The following EXOC4 variants were observed in gnomAD, a reference collection of about 807,000 sequenced individuals.
EXOC4 encodes SEC8-like 1.
Under a neutral mutation model 107.2 loss-of-function variants are expected in EXOC4, and 71 were observed. That is an observed-to-expected ratio of 0.66 (90% confidence interval 0.55 to 0.81). EXOC4 has a LOEUF of 0.81. EXOC4 is among the 30% of genes least tolerant of loss of function. EXOC4 has a pLI of 0.00. For synonymous variants in EXOC4, 456 were observed against 441.2 expected (o/e 1.03, Z -0.42); for missense variants, 1,108 against 1,189.6 (o/e 0.93, Z 1.01).
intron 11 of EXOC4, among the ~76,000 whole-genome samples, chr7:133,879,616 A>G (rs1159018057): frequency 6.6e-6 from 1 of 152,084 alleles, no homozygotes; most frequent in African/African-American, 2.4e-5. Context: ...TTGATTTTTC[A>G]TATTTTTCAT....
intron 7 of EXOC4, among the ~76,000 whole-genome samples, chr7:133,417,634 TA>T (rs1270879724): frequency 1.3e-5 from 2 of 152,162 alleles, no homozygotes; most frequent in African/African-American, 4.8e-5. Flanking sequence ...TGCCATAGTT[TA>T]CGTCCTTTTT....
At chr7:133,844,378 C>CATTTTTT (rs1371732321) in intron 11 of EXOC4, among the ~76,000 whole-genome samples, 4 of 83,346 alleles carry the variant, frequency 4.8e-5, no homozygotes, top group Non-Finnish European at 8.8e-5. Flanking sequence ...CCACATATTC[C>CATTTTTT]TTTTTTTTTT....
chr7:133,712,865 A>G (rs1474126724), intron 10 of EXOC4, among the ~76,000 whole-genome samples: 2 of 152,238 alleles, frequency 1.3e-5, no homozygotes, highest in Non-Finnish European at 2.9e-5. Context: ...CAAAGGCCAT[A>G]TATTATATGG....
chr7:134,012,936 T>C (rs1293604729), intron 17 of EXOC4, among the ~76,000 whole-genome samples: 1 of 152,142 alleles, frequency 6.6e-6, no homozygotes, highest in African/African-American at 2.4e-5. Flanking sequence ...ATGCTGTTGA[T>C]AGGTTAAATT....
chr7:133,357,829 T>C (rs1417429790), intron 6 of EXOC4, among the ~76,000 whole-genome samples: 1 of 152,180 alleles, frequency 6.6e-6, no homozygotes, highest in African/African-American at 2.4e-5. Context: ...GTAAACTTGA[T>C]TCAAAAGTAC....
the EXOC4 span, among the ~76,000 whole-genome samples, chr7:134,100,161 A>G: frequency 3.9e-5 from 6 of 152,074 alleles, no homozygotes; most frequent in Non-Finnish European, 7.4e-5. Flanking sequence ...TTAATGGGTG[A>G]GGAAAATACC....
At chr7:133,504,876 G>A (rs1036243606) in intron 9 of EXOC4, among the ~76,000 whole-genome samples, 16 of 152,038 alleles carry the variant, frequency 1.1e-4, no homozygotes, top group South Asian at 4.2e-4. Context: ...AAAGAACCCC[G>A]TTTTCTTAGG....
At chr7:133,711,632 C>T (rs902340631) in intron 10 of EXOC4, among the ~76,000 whole-genome samples, 17 of 152,232 alleles carry the variant, frequency 1.1e-4, no homozygotes, top group African/African-American at 4.1e-4. Flanking sequence ...TTTGTAAAGC[C>T]GTACTTGTTT....
intron 11 of EXOC4, among the ~76,000 whole-genome samples, chr7:133,839,655 T>G (rs1219049243): frequency 3.3e-5 from 5 of 152,204 alleles, no homozygotes; most frequent in African/African-American, 1.2e-4. Flanking sequence ...CATGGAGGAC[T>G]TGTACCAAGA....
intron 10 of EXOC4, among the ~76,000 whole-genome samples, chr7:133,731,917 T>C (rs1795334999): frequency 6.6e-6 from 1 of 152,158 alleles, no homozygotes; most frequent in African/African-American, 2.4e-5. Context: ...GAAATACCAT[T>C]TGACCCAGCA....
intron 12 of EXOC4, among the ~76,000 whole-genome samples, chr7:133,915,955 G>A (rs984936463): frequency 1.3e-5 from 2 of 152,016 alleles, no homozygotes; most frequent in African/African-American, 4.8e-5. Context: ...CAAAACTTTA[G>A]AAGAATAAGA....
intron 7 of EXOC4, among the ~76,000 whole-genome samples, chr7:133,413,528 A>C (rs1371793341): frequency 1.3e-5 from 2 of 152,150 alleles, no homozygotes; most frequent in East Asian, 3.9e-4. Context: ...TTTGGTGTCA[A>C]ATTTAGGCTT....
intron 9 of EXOC4, among the ~76,000 whole-genome samples, chr7:133,558,137 C>T (rs1028281435): frequency 6.6e-6 from 1 of 151,454 alleles, no homozygotes; most frequent in Non-Finnish European, 1.5e-5. Flanking sequence ...ATTAAAACAC[C>T]CACGGTGAAA....
At chr7:133,924,935 C>T (rs1399028252) in intron 13 of EXOC4, among the ~76,000 whole-genome samples, 2 of 152,352 alleles carry the variant, frequency 1.3e-5, no homozygotes, top group South Asian at 2.1e-4. Flanking sequence ...ATATGATTGA[C>T]TCTTTCCTTT....
rs1330191079 is a variant in EXOC4, at chr7:133,289,065, G to A, written c.420G>A (p.Lys140=). Residue 140 remains lysine, a synonymous_variant, in exon 3 of 18, where the codon AAG becomes AAA. Transcript: ENST00000253861. ...EIENIKQVPQ[K]LEQCMASKHY... Reference sequence around the variant, plus strand: ...AGAATATCAAGCAAGTGCCTCAAAAGCTGGAACAGTGCATGGCCAGCAAGC... The same window carrying A: ...AGAATATCAAGCAAGTGCCTCAAAAACTGGAACAGTGCATGGCCAGCAAGC... The A allele has an allele frequency of 1.2e-6, 2 of 1,614,200 alleles. No homozygotes were observed. The highest frequency in any genetic ancestry group is 1.7e-6 in the Non-Finnish European group (2 of 1,180,020).
chr7:133,968,323 C>T (rs182331170), intron 14 of EXOC4, among the ~76,000 whole-genome samples: 2 of 152,148 alleles, frequency 1.3e-5, no homozygotes, highest in African/African-American at 4.8e-5. Context: ...TTAAATGGGG[C>T]ATTTAGCCCA....
At chr7:133,956,982 A>AT (rs879607959) in intron 14 of EXOC4, among the ~76,000 whole-genome samples, 115 of 147,786 alleles carry the variant, frequency 7.8e-4, no homozygotes, top group Middle Eastern at 3.5e-3. Flanking sequence ...AATACCATTG[A>AT]TTTTTTTTTT....
At chr7:133,800,296 G>C (rs1327421540) in intron 10 of EXOC4, among the ~76,000 whole-genome samples, 1 of 152,094 alleles carries the variant, frequency 6.6e-6, no homozygotes, top group Admixed American at 6.6e-5. Context: ...TTGTACTTTT[G>C]AAAATAAATA....
At chr7:133,503,430 C>G (rs978777793) in intron 9 of EXOC4, among the ~76,000 whole-genome samples, 3 of 152,178 alleles carry the variant, frequency 2.0e-5, no homozygotes, top group African/African-American at 7.2e-5. Flanking sequence ...TCTAGCCTAT[C>G]ATTCTTGCAA....
Sources: allele counts gnomAD v4.1 joint callset (sites outside exome capture counted in the v4.1 genomes callset), GRCh38; gene constraint gnomAD v4.1.1; transcripts MANE v1.5; gene names NCBI Gene and HGNC (gene_info 2026-07-23, HGNC 2026-07-21).